MMD2: variants seen among roughly 807,000 people sequenced by gnomAD.
The protein encoded by MMD2 is monocyte to macrophage differentiation factor 2.
Under a neutral mutation model 33.5 loss-of-function variants are expected in MMD2, and 30 were observed. That is an observed-to-expected ratio of 0.90 (90% CI 0.67 to 1.22). MMD2 has a LOEUF of 1.22. Among genes scored for constraint, MMD2 ranks in the 50% most tolerant of loss-of-function variants. The probability of loss-of-function intolerance (pLI) is 0.00; values close to 1 mark genes in which losing one functional copy is unlikely to be tolerated. For missense variants in MMD2, 364 were observed against 325.4 expected, an observed-to-expected ratio of 1.12 and a Z score of -0.91; for synonymous variants, 129 against 123.0, an observed-to-expected ratio of 1.05 and a Z score of -0.32.
intron 1 of MMD2, among the ~76,000 whole-genome samples, chr7:4,926,090 G>C (rs991057476): frequency 5.7e-4 from 86 of 151,740 alleles, no homozygotes; most frequent in African/African-American, 2.0e-3. Context: ...ACAGGCGTGA[G>C]ATACCACGCC....
At chr7:4,926,487 C>T (rs1785430887) in intron 1 of MMD2, among the ~76,000 whole-genome samples, 1 of 152,092 alleles carries the variant, frequency 6.6e-6, no homozygotes. Context: ...TGCGTAGACC[C>T]ACTAAACCAC....
Position 4,940,811 on chromosome 7 carries a change from A to G in MMD2, c.48-15279T>C, listed in dbSNP as rs183261931. ...GGCGCGGGACTCTGGCATGATCTGC[A>G]GGAGACAGCACTCAGGTGCACTGTG... On this transcript the variant is annotated intron_variant, in intron 1 of 6. Transcript: ENST00000401401. The surrounding 1 kb of genome is among the most constrained non-coding windows in gnomAD (Gnocchi z 5.0). 7.2e-5 allele frequency among the ~76,000 whole-genome samples: 11 copies of G among 152,284 alleles called. No individual in the cohort carries two copies. The East Asian group carries it at 2.1e-3, about 29-fold the overall frequency.
intron 1 of MMD2, among the ~76,000 whole-genome samples, chr7:4,950,575 C>T (rs967962742): frequency 6.6e-6 from 1 of 152,176 alleles, no homozygotes; most frequent in South Asian, 2.1e-4. Context: ...CCTCGAGGGA[C>T]CTCAGATAAG....
chr7:4,914,976 T>C (rs1785104834), intron 4 of MMD2, among the ~76,000 whole-genome samples: 1 of 151,784 alleles, frequency 6.6e-6, no homozygotes. Flanking sequence ...AAAATAAATA[T>C]ATACTTTTAA....
intron 1 of MMD2, among the ~76,000 whole-genome samples, chr7:4,925,816 T>G (rs909051210): frequency 6.6e-6 from 1 of 152,208 alleles, no homozygotes; most frequent in African/African-American, 2.4e-5. Flanking sequence ...CATTTAACTT[T>G]TTTATTTTTA....
intron 1 of MMD2, among the ~76,000 whole-genome samples, chr7:4,936,325 C>CACA (rs1785741206): frequency 6.6e-6 from 1 of 151,548 alleles, no homozygotes; most frequent in East Asian, 1.9e-4. Context: ...ACACACACAC[C>CACA]CCAACATTTT....
intron 1 of MMD2, among the ~76,000 whole-genome samples, chr7:4,934,114 CAGATG>C (rs1785670362): frequency 6.6e-6 from 1 of 151,360 alleles, no homozygotes; most frequent in Non-Finnish European, 1.5e-5. Flanking sequence ...ATTTTGACTA[CAGATG>C]AGGTTTTGCC....
chr7:4,952,541 G>A (rs1383719033), intron 1 of MMD2, among the ~76,000 whole-genome samples: 1 of 152,130 alleles, frequency 6.6e-6, no homozygotes, highest in Non-Finnish European at 1.5e-5. Context: ...CGTTTATTTG[G>A]CACCTACTGT....
rs151083104 is a variant in MMD2 at position 4,907,239 on chromosome 7, C to A, written c.*157G>T. The stretch of plus-strand genomic sequence containing the variant: ...AATGCTTTCTTTCTCGCTGGGGACT[C>A]GAGGGATGATCTGGCTGTCACCAGA... On this transcript the variant is annotated 3_prime_UTR_variant, in exon 7 of 7. Transcript: ENST00000401401. 9.0e-6 allele frequency: 6 copies of A among 663,046 alleles called. No individual in the cohort carries two copies. The highest frequency in any genetic ancestry group is 2.7e-5 in the East Asian group (1 of 37,484). The allele number at this position is 663,046 out of a possible 1,614,324, so 41.1% of individuals were successfully genotyped here.
chr7:4,916,370 ACTT>A (rs1785143664), intron 3 of MMD2, among the ~76,000 whole-genome samples: 1 of 55,854 alleles, frequency 1.8e-5, no homozygotes, highest in East Asian at 5.8e-4. Flanking sequence ...CCTCCGTCCC[ACTT>A]TTTTTTTTTT....
intron 1 of MMD2, among the ~76,000 whole-genome samples, chr7:4,952,165 G>C (rs905180634): frequency 6.6e-6 from 1 of 152,218 alleles, no homozygotes; most frequent in African/African-American, 2.4e-5. Context: ...AATGGCCCCA[G>C]CCTACTCCTG....
intron 1 of MMD2, among the ~76,000 whole-genome samples, chr7:4,947,857 C>T (rs1178057529): frequency 6.6e-6 from 1 of 151,510 alleles, no homozygotes; most frequent in East Asian, 1.9e-4. Context: ...TGCCTCCACA[C>T]CTGGCTAATT....
the MMD2 span, among the ~76,000 whole-genome samples, chr7:4,895,742 G>T: frequency 1.3e-5 from 2 of 151,874 alleles, no homozygotes; most frequent in African/African-American, 4.8e-5. Flanking sequence ...CATCATGTTG[G>T]TCAGGTTGGT....
At chr7:4,925,316 G>C (rs796729845) in intron 2 of MMD2, 135 bp downstream of exon 2, 1 of 405,654 alleles carries the variant, frequency 2.5e-6, no homozygotes. Flanking sequence ...AGACGCCACA[G>C]TGGCCTTCCC....
intron 1 of MMD2, among the ~76,000 whole-genome samples, chr7:4,937,998 C>CTTTTT (rs1785791916): frequency 4.8e-5 from 3 of 62,728 alleles, no homozygotes; most frequent in African/African-American, 5.7e-5. Flanking sequence ...TTTTTTCTTT[C>CTTTTT]TTTCTTTTTT....
the MMD2 span, among the ~76,000 whole-genome samples, chr7:4,895,769 C>T: frequency 6.6e-6 from 1 of 151,708 alleles, no homozygotes; most frequent in Non-Finnish European, 1.5e-5. Context: ...CTCCTGACCT[C>T]GTGATCTGCC....
At chr7:4,921,103 G>A (rs60748105) in intron 2 of MMD2, among the ~76,000 whole-genome samples, 1 of 152,042 alleles carries the variant, frequency 6.6e-6, no homozygotes, top group African/African-American at 2.4e-5. Context: ...ATTCTCAAAG[G>A]GGTCCATGTA....
intron 4 of MMD2, among the ~76,000 whole-genome samples, chr7:4,911,448 G>C (rs1785005465): frequency 6.6e-6 from 1 of 152,174 alleles, no homozygotes; most frequent in African/African-American, 2.4e-5. Context: ...GCAATGATTA[G>C]AGGAAAATTA....
chr7:4,908,191 G>C (rs1314944645), intron 6 of MMD2, among the ~76,000 whole-genome samples: 1 of 149,206 alleles, frequency 6.7e-6, no homozygotes, highest in Non-Finnish European at 1.5e-5. Flanking sequence ...GCCCAGGCTA[G>C]AGTGCAGTAG....
Sources: allele counts gnomAD v4.1 joint callset (sites outside exome capture counted in the v4.1 genomes callset), GRCh38; gene constraint gnomAD v4.1.1; non-coding constraint Gnocchi (gnomAD v3.1); transcripts MANE v1.5; gene names NCBI Gene and HGNC (gene_info 2026-07-23, HGNC 2026-07-21).